FAAH2: variants seen among roughly 807,000 people sequenced by gnomAD.
The protein encoded by FAAH2 is fatty acid amide hydrolase 2, also known as fatty-acid amide hydrolase 2.
In FAAH2, 60 loss-of-function variants were observed where a neutral mutation model predicts 36.9. The ratio of observed to expected loss-of-function variants is 1.63; its 90% CI spans 1.32 to 2.02. The LOEUF (loss-of-function observed/expected upper bound fraction) is 2.02. Among genes scored for constraint, FAAH2 ranks in the 30% most tolerant of loss-of-function variants. The pLI, the probability that FAAH2 is intolerant of heterozygous loss-of-function variation, is 0.00. For synonymous variants in FAAH2, 214 were observed against 143.8 expected (o/e 1.49, Z -3.49); for missense variants, 689 against 397.5 (o/e 1.73, Z -6.23).
the FAAH2 span, among the ~76,000 whole-genome samples, chrX:57,142,486 A>G: frequency 5.4e-5 from 6 of 112,142 alleles, no homozygotes; most frequent in Admixed American, 5.7e-4. Context: ...TAATTTTAAT[A>G]TTTTAAAAAT....
At chrX:57,317,501 C>G (rs2052876925) in intron 3 of FAAH2, among the ~76,000 whole-genome samples, 1 of 111,694 alleles carries the variant, frequency 9.0e-6, no homozygotes, top group Admixed American at 9.5e-5. Context: ...TACGGGAGCA[C>G]CCAGATTCAT....
intron 3 of FAAH2, among the ~76,000 whole-genome samples, chrX:57,312,100 G>T (rs896118906): frequency 3.6e-5 from 4 of 112,300 alleles, no homozygotes; most frequent in Non-Finnish European, 7.5e-5. Context: ...GCTAATAAAA[G>T]AAATGCCAGC....
intron 2 of FAAH2, among the ~76,000 whole-genome samples, chrX:57,301,526 T>C (rs1312227178): frequency 9.3e-6 from 1 of 107,381 alleles, no homozygotes; most frequent in African/African-American, 3.4e-5. Flanking sequence ...GACGAGTTAA[T>C]GGGTGCAGCA....
At chrX:57,197,220 T>A in the FAAH2 span, among the ~76,000 whole-genome samples, 5 of 112,047 alleles carry the variant, frequency 4.5e-5, no homozygotes, top group Admixed American at 9.5e-5. Flanking sequence ...TTTCCAGAAG[T>A]GCTTATTTTT....
At chrX:57,432,204 T>C (rs2056318906) in intron 8 of FAAH2, among the ~76,000 whole-genome samples, 167 bp downstream of exon 8, 1 of 111,641 alleles carries the variant, frequency 9.0e-6, no homozygotes, top group Non-Finnish European at 1.9e-5. Context: ...CTATACGGAA[T>C]AGGCATATAT....
the FAAH2 span, among the ~76,000 whole-genome samples, chrX:57,141,078 AT>A: frequency 8.9e-6 from 1 of 112,106 alleles, no homozygotes; most frequent in Non-Finnish European, 1.9e-5. Flanking sequence ...TGTGTTTGTC[AT>A]ATATGACCTT....
chrX:57,450,735 C>T (rs1001187304), intron 10 of FAAH2, among the ~76,000 whole-genome samples: 2 of 111,147 alleles, frequency 1.8e-5, no homozygotes, highest in East Asian at 5.7e-4. Flanking sequence ...TGAGCCTTGG[C>T]TTTCTTACAG....
At chrX:57,216,563 TAC>T in the FAAH2 span, among the ~76,000 whole-genome samples, 5 of 34,885 alleles carry the variant, frequency 1.4e-4, no homozygotes, top group East Asian at 1.7e-3. Flanking sequence ...TATATATATA[TAC>T]GTATATGTAT....
rs746592221 is a variant in FAAH2 at position 57,353,835 on chromosome X, T to A, written c.742+12445T>A. Among the ~76,000 whole-genome samples the A allele has an allele frequency of 9.6e-4, 107 of 111,117 alleles. 1 individual carries two copies. Among genetic ancestry groups the A allele is most frequent in the African/African-American group, 3.4e-3 (104 of 30,820 alleles). On this transcript the variant is annotated intron_variant, in intron 5 of 10. Transcript: ENST00000374900. ...ATAAAAGATATACAAATGGCCAATA[T>A]GTATATGAAAAACGCTCAGTATCAC...
intron 7 of FAAH2, among the ~76,000 whole-genome samples, chrX:57,381,871 C>A (rs2054859943): frequency 9.0e-6 from 1 of 111,663 alleles, no homozygotes; most frequent in African/African-American, 3.3e-5. Context: ...ACAGAATGTA[C>A]ATTCTTCTCA....
At chrX:57,441,281 C>G (rs1209812633) in intron 8 of FAAH2, among the ~76,000 whole-genome samples, 1 of 111,075 alleles carries the variant, frequency 9.0e-6, no homozygotes, top group Admixed American at 9.6e-5. Context: ...ATTTCAGAAC[C>G]TGTTATTGGT....
the FAAH2 span, among the ~76,000 whole-genome samples, chrX:57,145,395 T>C: frequency 9.0e-6 from 1 of 111,255 alleles, no homozygotes; most frequent in Admixed American, 9.6e-5. Flanking sequence ...CCCCGCTTTT[T>C]GATGAGGTTA....
the FAAH2 span, among the ~76,000 whole-genome samples, chrX:57,197,801 G>T: frequency 2.7e-5 from 3 of 112,082 alleles, no homozygotes; most frequent in African/African-American, 9.7e-5. Flanking sequence ...AGTGGACTTT[G>T]TGAGTGTCTT....
At chrX:57,208,850 G>A in the FAAH2 span, among the ~76,000 whole-genome samples, 1 of 112,244 alleles carries the variant, frequency 8.9e-6, no homozygotes, top group Admixed American at 9.4e-5. Context: ...GATCGCTCAC[G>A]CTATTGTTAG....
chrX:57,235,896 T>G, the FAAH2 span, among the ~76,000 whole-genome samples: 6 of 112,324 alleles, frequency 5.3e-5, no homozygotes, highest in Non-Finnish European at 7.5e-5. Context: ...ACAAACATAT[T>G]TATTAGTTAT....
chrX:57,223,723 TA>T, the FAAH2 span, among the ~76,000 whole-genome samples: 10 of 111,912 alleles, frequency 8.9e-5, no homozygotes, highest in African/African-American at 3.3e-4. Context: ...TCCAGGTAGA[TA>T]AAAGCATTCC....
rs771706705 is a variant in FAAH2, at chrX:57,398,713, T to G, written c.996+17684T>G. Among the ~76,000 whole-genome samples, 4 of 111,537 alleles carry G rather than the reference T, an allele frequency of 3.6e-5. No homozygotes were observed. The South Asian group carries it at 1.5e-3, about 43-fold the overall frequency. On this transcript the variant is annotated intron_variant, in intron 7 of 10. Transcript: ENST00000374900. The stretch of plus-strand genomic sequence containing the variant: ...CAGGTGATAGATGATTGGCTATTTC[T>G]TTACCTCCTGTTTTAACCTAATTAG...
intron 5 of FAAH2, 106 bp downstream of exon 5, chrX:57,341,496 A>T: frequency 1.1e-6 from 1 of 920,739 alleles, no homozygotes; most frequent in African/African-American, 2.0e-5. Context: ...ATTATTATAT[A>T]TTTCTCAATG....
chrX:57,311,085 T>C (rs977870668), intron 3 of FAAH2, among the ~76,000 whole-genome samples: 2 of 112,385 alleles, frequency 1.8e-5, no homozygotes, highest in African/African-American at 6.5e-5. Flanking sequence ...CTGTGCTTTC[T>C]CTGTAATACA....
Sources: gnomAD v4.1 joint callset for allele counts (sites outside exome capture counted in the v4.1 genomes callset) on GRCh38, gnomAD v4.1.1 for gene constraint, MANE v1.5 for transcripts, NCBI Gene and HGNC (gene_info 2026-07-23, HGNC 2026-07-21) for gene names.